GRM5: variants seen among roughly 807,000 people sequenced by gnomAD.
GRM5 encodes glutamate metabotropic receptor 5.
In GRM5, 19 loss-of-function variants were observed where a neutral mutation model predicts 83.1. The observed-to-expected ratio is 0.23, with a 90% CI of 0.16 to 0.34. The LOEUF is 0.34. Among genes scored for constraint, GRM5 ranks in the 10% least tolerant of loss-of-function variants. The pLI, the probability that GRM5 is intolerant of heterozygous loss-of-function variation, is 1.00. For synonymous variants in GRM5, 675 were observed against 633.6 expected (o/e 1.07, Z -0.98); for missense variants, 1,160 against 1,588.3 (o/e 0.73, Z 4.58).
At chr11:88,704,698 A>C (rs1309364306) in intron 3 of GRM5, among the ~76,000 whole-genome samples, 1 of 152,038 alleles carries the variant, frequency 6.6e-6, no homozygotes, top group Non-Finnish European at 1.5e-5. Context: ...CTATTTGCAA[A>C]GTGCTGTCCT....
chr11:88,741,808 G>A (rs909765277), intron 3 of GRM5, among the ~76,000 whole-genome samples: 8 of 152,170 alleles, frequency 5.3e-5, no homozygotes, highest in Admixed American at 1.3e-4. Context: ...TTCTGGTGGT[G>A]TGTGTGGGTG....
At chr11:88,862,797 C>T (rs141528456) in intron 2 of GRM5, among the ~76,000 whole-genome samples, 5 of 152,000 alleles carry the variant, frequency 3.3e-5, no homozygotes, top group African/African-American at 1.2e-4. Context: ...TTTCCTGATG[C>T]TCTTCCTAAT....
At chr11:89,059,318 C>A (rs769641340) in intron 1 of GRM5, among the ~76,000 whole-genome samples, 8 of 152,068 alleles carry the variant, frequency 5.3e-5, no homozygotes, top group Non-Finnish European at 7.4e-5. Context: ...TTTGAGATAG[C>A]AATTACGTAT....
At chr11:89,031,186 T>C (rs1411618326) in intron 2 of GRM5, among the ~76,000 whole-genome samples, 2 of 152,006 alleles carry the variant, frequency 1.3e-5, no homozygotes, top group African/African-American at 2.4e-5. Context: ...ATAGGCACAA[T>C]GTTTTCTTTC....
chr11:88,986,829 A>G (rs1183695850), intron 2 of GRM5, among the ~76,000 whole-genome samples: 4 of 150,880 alleles, frequency 2.7e-5, no homozygotes, highest in African/African-American at 2.5e-5. Context: ...TTCCTATAGA[A>G]GTTTTATGTT....
At chr11:88,924,409 G>A (rs976680708) in intron 2 of GRM5, among the ~76,000 whole-genome samples, 26 of 152,118 alleles carry the variant, frequency 1.7e-4, no homozygotes, top group Admixed American at 1.6e-3. Flanking sequence ...CAACTCAAGT[G>A]TCCATCAGTG....
chr11:88,805,527 T>C (rs1021279939), intron 3 of GRM5, among the ~76,000 whole-genome samples: 1 of 132,420 alleles, frequency 7.6e-6, no homozygotes, highest in Non-Finnish European at 1.5e-5. Flanking sequence ...TGATTTTTAA[T>C]ATGTTAAATG....
intron 2 of GRM5, among the ~76,000 whole-genome samples, chr11:88,894,413 G>A (rs1040896512): frequency 1.3e-5 from 2 of 151,850 alleles, no homozygotes; most frequent in African/African-American, 2.4e-5. Context: ...GTGTTTGTCC[G>A]TGTCCTAAAT....
chr11:88,513,632 G>GGCA (rs1941443321), intron 9 of GRM5, among the ~76,000 whole-genome samples: 1 of 152,026 alleles, frequency 6.6e-6, no homozygotes, highest in African/African-American at 2.4e-5. Context: ...ATCTCATCGA[G>GGCA]GCAGTAGTGA....
chr11:89,011,998 T>TG (rs1821744691), intron 2 of GRM5, among the ~76,000 whole-genome samples: 1 of 152,182 alleles, frequency 6.6e-6, no homozygotes, highest in Non-Finnish European at 1.5e-5. Flanking sequence ...ACTATCAAGT[T>TG]ACATCCTTTC....
At chr11:88,617,960 T>A (rs952909945) in intron 4 of GRM5, among the ~76,000 whole-genome samples, 4 of 152,132 alleles carry the variant, frequency 2.6e-5, no homozygotes, top group African/African-American at 9.7e-5. Flanking sequence ...TAGCATTGAG[T>A]ATGAACTCTT....
chr11:88,545,916 C>T (rs1332455076), intron 8 of GRM5, among the ~76,000 whole-genome samples: 2 of 152,048 alleles, frequency 1.3e-5, no homozygotes, highest in Non-Finnish European at 2.9e-5. Context: ...TGTCTGATCC[C>T]CAATCCTCAC....
At chr11:88,689,315 T>C (rs1940722652) in intron 3 of GRM5, among the ~76,000 whole-genome samples, 1 of 152,216 alleles carries the variant, frequency 6.6e-6, no homozygotes, top group Non-Finnish European at 1.5e-5. Flanking sequence ...CCAGACACTA[T>C]GATGGGTTTG....
chr11:88,990,014 A>C (rs1390749974), intron 2 of GRM5, among the ~76,000 whole-genome samples: 1 of 151,876 alleles, frequency 6.6e-6, no homozygotes, highest in East Asian at 1.9e-4. Flanking sequence ...TTAAAATCAG[A>C]GCAGAACTGA....
chr11:88,915,915 G>A (rs994407380), intron 2 of GRM5, among the ~76,000 whole-genome samples: 24 of 152,074 alleles, frequency 1.6e-4, no homozygotes, highest in African/African-American at 5.1e-4. Context: ...TTTATCTTCT[G>A]AAGAAAATGA....
At chr11:88,610,989 G>T (rs372451078) in intron 4 of GRM5, among the ~76,000 whole-genome samples, 3 of 151,998 alleles carry the variant, frequency 2.0e-5, no homozygotes, top group South Asian at 4.1e-4. Flanking sequence ...CTTGGTTTTT[G>T]TTACTTCTGT....
At chr11:88,643,581 C>T (rs1015650897) in intron 4 of GRM5, among the ~76,000 whole-genome samples, 5 of 152,176 alleles carry the variant, frequency 3.3e-5, no homozygotes, top group Non-Finnish European at 5.9e-5. Context: ...ATCCTTTTCT[C>T]ACACTAGATT....
chr11:88,517,401 A>C (rs1176082838), intron 9 of GRM5, among the ~76,000 whole-genome samples: 2 of 152,144 alleles, frequency 1.3e-5, no homozygotes, highest in Admixed American at 1.3e-4. Flanking sequence ...GTGTGCTTTG[A>C]AGGCATGTGA....
intron 3 of GRM5, among the ~76,000 whole-genome samples, chr11:88,659,167 C>A (rs762855003): frequency 4.5e-4 from 68 of 152,194 alleles, no homozygotes; most frequent in Admixed American, 1.4e-3. Flanking sequence ...GGTAAAGGAG[C>A]ATTTTTAATG....
Sources: gnomAD v4.1 joint callset for allele counts (sites outside exome capture counted in the v4.1 genomes callset) on GRCh38, gnomAD v4.1.1 for gene constraint, MANE v1.5 for transcripts, NCBI Gene and HGNC (gene_info 2026-07-23, HGNC 2026-07-21) for gene names.